Variants in NBEA observed in about 807,000 individuals in gnomAD.
NBEA encodes the protein lysosomal-trafficking regulator 2.
NBEA carries 44 observed loss-of-function variants against 343.4 expected under a neutral mutation model. That is an observed-to-expected ratio of 0.13 (90% CI 0.10 to 0.16). The LOEUF (loss-of-function observed/expected upper bound fraction) is 0.16. NBEA is among the 10% of genes least tolerant of loss of function. The pLI is 1.00. For missense variants in NBEA, 2,555 were observed against 3,631.3 expected (o/e 0.70, Z 7.62); for synonymous variants, 1,175 against 1,238.7 (o/e 0.95, Z 1.08).
chr13:35,529,523 G>T (rs9574093), intron 41 of NBEA, among the ~76,000 whole-genome samples: 34,093 of 152,054 alleles, frequency 0.22, 4,342 homozygotes, highest in East Asian at 0.49. Context: ...TATTATATAA[G>T]TACCGTTTTA....
chr13:35,584,896 C>A (rs1387135576), intron 46 of NBEA, among the ~76,000 whole-genome samples: 2 of 151,940 alleles, frequency 1.3e-5, no homozygotes, highest in South Asian at 4.2e-4. Flanking sequence ...GCCTTACCTC[C>A]CTAAGCACTG....
chr13:35,471,294 G>T (rs2075636655), intron 40 of NBEA, among the ~76,000 whole-genome samples: 1 of 152,132 alleles, frequency 6.6e-6, no homozygotes, highest in South Asian at 2.1e-4. Flanking sequence ...GGCCGAGGGC[G>T]GTGTCGGCGC....
At position 35,173,573 on chromosome 13, in the gene NBEA, G is replaced by A. The variant is rs780346072; in HGVS notation, c.4533G>A (p.Val1511=). ...AACCTCAGGAAGTTCCTCAAAGTGT[G>A]ACTGCTACAGCAGCTTCGAAGGTAA... ...SSKPQEVPQS[V]TATAASKTPL... is the part of the protein sequence containing the mutation. Residue 1511 remains valine, a synonymous_variant, in exon 27 of 59, where the codon GTG becomes GTA. Transcript: ENST00000379939. The A allele has an allele frequency of 3.8e-5, 62 of 1,610,984 alleles. No individual in the cohort carries two copies. Among genetic ancestry groups the A allele is most frequent in the Non-Finnish European group, 5.0e-5 (59 of 1,178,300 alleles).
intron 45 of NBEA, among the ~76,000 whole-genome samples, chr13:35,580,118 G>A (rs952277771): frequency 6.6e-6 from 1 of 152,022 alleles, no homozygotes; most frequent in African/African-American, 2.4e-5. Flanking sequence ...TATAGGGATA[G>A]AAATTTTATT....
chr13:35,413,523 G>T (rs141499447), intron 38 of NBEA, among the ~76,000 whole-genome samples: 1 of 152,156 alleles, frequency 6.6e-6, no homozygotes, highest in East Asian at 1.9e-4. Flanking sequence ...TTCCTGAGGG[G>T]CCAGGAGGCT....
intron 8 of NBEA, among the ~76,000 whole-genome samples, chr13:35,069,423 A>G (rs768322776): frequency 1.3e-5 from 2 of 152,098 alleles, no homozygotes. Context: ...ATTGAGTAGC[A>G]TTGGTATTTC....
chr13:35,211,503 G>A (rs2073769777), intron 33 of NBEA, among the ~76,000 whole-genome samples: 1 of 152,052 alleles, frequency 6.6e-6, no homozygotes, highest in South Asian at 2.1e-4. Flanking sequence ...TCTTTGGGGG[G>A]TGATAAAAAG....
intron 1 of NBEA, among the ~76,000 whole-genome samples, chr13:34,973,755 G>T (rs906954152): frequency 1.3e-5 from 2 of 152,186 alleles, no homozygotes; most frequent in Non-Finnish European, 2.9e-5. Context: ...AAGCCAGTGG[G>T]TCTTATCCTC....
At chr13:35,609,371 CT>C (rs1405275684) in intron 48 of NBEA, among the ~76,000 whole-genome samples, 1 of 152,150 alleles carries the variant, frequency 6.6e-6, no homozygotes, top group African/African-American at 2.4e-5. Flanking sequence ...GTACAGATAA[CT>C]TTAGGAAAGG....
intron 1 of NBEA, among the ~76,000 whole-genome samples, chr13:34,954,270 C>G (rs1234056499): frequency 6.6e-6 from 1 of 152,136 alleles, no homozygotes; most frequent in Admixed American, 6.5e-5. Context: ...ACCAATCCCC[C>G]AGAGATATCA....
At position 35,359,160 on chromosome 13, in the gene NBEA, A is replaced by G. The variant is rs2040666519; in HGVS notation, c.6179+6837A>G. On this transcript the variant is annotated intron_variant, in intron 38 of 58. Coordinates refer to ENST00000379939, the MANE Select transcript of NBEA (RefSeq NM_001385012.1). ...ACATGATCTGATTTATGTTTTAACA[A>G]CATCAGTCTGGCTGTTATGTGAAGA... Among the ~76,000 whole-genome samples, 3 of 152,212 alleles carry G rather than the reference A, an allele frequency of 2.0e-5. No homozygotes were observed. In the South Asian group the frequency reaches 6.2e-4, roughly 32 times the overall value.
At chr13:35,479,101 T>C (rs2152964839) in intron 41 of NBEA, among the ~76,000 whole-genome samples, 1 of 152,218 alleles carries the variant, frequency 6.6e-6, no homozygotes, top group East Asian at 1.9e-4. Flanking sequence ...GAAAGAAAAA[T>C]GGATGGTGAG....
chr13:35,572,042 G>C (rs1024922845), intron 45 of NBEA, among the ~76,000 whole-genome samples: 2 of 152,128 alleles, frequency 1.3e-5, no homozygotes, highest in African/African-American at 4.8e-5. Context: ...GTACAGGTTA[G>C]GGGCTATGTT....
intron 44 of NBEA, among the ~76,000 whole-genome samples, chr13:35,559,641 C>T (rs972642320): frequency 9.9e-5 from 15 of 152,050 alleles, no homozygotes; most frequent in African/African-American, 3.4e-4. Context: ...CTTGGCCGGG[C>T]GCAGTGGCTC....
At chr13:35,552,175 A>C (rs2079358335) in intron 43 of NBEA, among the ~76,000 whole-genome samples, 1 of 152,258 alleles carries the variant, frequency 6.6e-6, no homozygotes, top group Admixed American at 6.5e-5. Flanking sequence ...AAGGAAAACT[A>C]ATCTTTGTCT....
At chr13:35,276,233 T>A (rs1416220159) in intron 34 of NBEA, among the ~76,000 whole-genome samples, 2 of 152,280 alleles carry the variant, frequency 1.3e-5, no homozygotes, top group East Asian at 3.9e-4. Context: ...AAGGGAATTA[T>A]TTTCCCTTTT....
At chr13:35,631,179 G>T (rs2083435946) in intron 49 of NBEA, among the ~76,000 whole-genome samples, 1 of 152,180 alleles carries the variant, frequency 6.6e-6, no homozygotes, top group South Asian at 2.1e-4. Flanking sequence ...TTATAAGAAA[G>T]AACCCAGATA....
intron 39 of NBEA, among the ~76,000 whole-genome samples, chr13:35,442,619 C>T (rs934489717): frequency 1.3e-5 from 2 of 152,078 alleles, no homozygotes; most frequent in Non-Finnish European, 2.9e-5. Context: ...TATTTTCTTG[C>T]ACTTTTTTAA....
chr13:34,949,704 G>A (rs893499064), intron 1 of NBEA, among the ~76,000 whole-genome samples: 2 of 151,992 alleles, frequency 1.3e-5, no homozygotes, highest in Non-Finnish European at 2.9e-5. Flanking sequence ...GTTTCTTAAT[G>A]TTCTTTTACC....
Sources: allele counts gnomAD v4.1 joint callset (sites outside exome capture counted in the v4.1 genomes callset), GRCh38; gene constraint gnomAD v4.1.1; transcripts MANE v1.5; gene names NCBI Gene and HGNC (gene_info 2026-07-23, HGNC 2026-07-21).